The following FRMD4A variants were observed in gnomAD, a reference collection of about 807,000 sequenced individuals.
FRMD4A encodes the protein FERM domain-containing protein 4A.
Under a neutral mutation model 129.1 loss-of-function variants are expected in FRMD4A, and 29 were observed. That is an observed-to-expected ratio of 0.22 (90% CI 0.17 to 0.31). The LOEUF is 0.31. Among genes scored for constraint, FRMD4A ranks in the 10% least tolerant of loss-of-function variants. The pLI is 1.00. For missense variants in FRMD4A, 1,272 were observed against 1,375.8 expected, an observed-to-expected ratio of 0.92 and a Z score of 1.19; for synonymous variants, 634 against 571.6, an observed-to-expected ratio of 1.11 and a Z score of -1.56.
At chr10:13,978,758 TG>T (rs945270316) in intron 2 of FRMD4A, among the ~76,000 whole-genome samples, 81 of 152,296 alleles carry the variant, frequency 5.3e-4, no homozygotes, top group African/African-American at 1.7e-3. Context: ...GTGTTCATCT[TG>T]GGGACTGGAG....
At chr10:14,051,474 A>C (rs1340023997) in intron 2 of FRMD4A, among the ~76,000 whole-genome samples, 4 of 152,192 alleles carry the variant, frequency 2.6e-5, no homozygotes, top group Non-Finnish European at 5.9e-5. Context: ...GGGTGAGCGC[A>C]AGGATAAGCC....
chr10:14,002,929 G>A lies in FRMD4A; in HGVS notation c.46-144017C>T, dbSNP rs1195772766. Among the ~76,000 whole-genome samples, 5 of 152,126 alleles carry A rather than the reference G, an allele frequency of 3.3e-5. No homozygotes were observed. In the South Asian group the frequency reaches 6.2e-4, roughly 19 times the overall value. ...TTGGAGGAACAGCAAACATGTCCACGCATGGTTGGAATATAACATTCCCAG... is the reference window on the plus strand; with the variant it reads ...TTGGAGGAACAGCAAACATGTCCACACATGGTTGGAATATAACATTCCCAG... On this transcript the variant is annotated intron_variant, in intron 2 of 24. Transcript: ENST00000357447.
chr10:13,810,469 A>T (rs1298020503), intron 4 of FRMD4A, among the ~76,000 whole-genome samples: 1 of 152,240 alleles, frequency 6.6e-6, no homozygotes, highest in East Asian at 1.9e-4. Flanking sequence ...AGTAGAGAGA[A>T]ATGTTTCATT....
At chr10:14,257,200 C>T (rs1400884730) in intron 2 of FRMD4A, among the ~76,000 whole-genome samples, 1 of 152,006 alleles carries the variant, frequency 6.6e-6, no homozygotes. Flanking sequence ...GCGTGGTGGC[C>T]AGTGCCCATA....
chr10:13,750,107 ATG>A (rs1554880625), intron 8 of FRMD4A, among the ~76,000 whole-genome samples: 3 of 26,538 alleles, frequency 1.1e-4, no homozygotes, highest in African/African-American at 3.0e-4. Flanking sequence ...AAAGAAAGAA[ATG>A]AAGAAAGAAA....
At chr10:14,270,886 A>T (rs544523555) in intron 2 of FRMD4A, among the ~76,000 whole-genome samples, 1 of 152,344 alleles carries the variant, frequency 6.6e-6, no homozygotes, top group Non-Finnish European at 1.5e-5. Flanking sequence ...GTATTATGCC[A>T]TTCTTAAATT....
At chr10:13,690,677 A>C (rs1589392877) in intron 15 of FRMD4A, among the ~76,000 whole-genome samples, 1 of 152,174 alleles carries the variant, frequency 6.6e-6, no homozygotes, top group Non-Finnish European at 1.5e-5. Context: ...CTTCTTGCTC[A>C]GCTGTGCAGC....
chr10:13,750,737 G>A (rs969319171), intron 8 of FRMD4A, among the ~76,000 whole-genome samples: 1 of 152,156 alleles, frequency 6.6e-6, no homozygotes, highest in Non-Finnish European at 1.5e-5. Context: ...AGGCTAAGAG[G>A]GTTCAGCCTC....
At chr10:14,134,449 T>C (rs1440822741) in intron 2 of FRMD4A, among the ~76,000 whole-genome samples, 2 of 148,542 alleles carry the variant, frequency 1.3e-5, no homozygotes, top group Admixed American at 6.7e-5. Context: ...GATATGTGGA[T>C]GGATGGGAGA....
At chr10:13,649,076 A>G (rs577010336) in intron 24 of FRMD4A, among the ~76,000 whole-genome samples, 1 of 152,378 alleles carries the variant, frequency 6.6e-6, no homozygotes, top group Non-Finnish European at 1.5e-5. Context: ...TAACATCCAC[A>G]GAACACACTT....
chr10:13,667,466 C>A (rs149785006), intron 17 of FRMD4A: 1 of 152,088 alleles, frequency 6.6e-6, no homozygotes, highest in East Asian at 1.9e-4. Flanking sequence ...GTTTTGGGAC[C>A]GGGAAGAATG....
intron 2 of FRMD4A, among the ~76,000 whole-genome samples, chr10:14,140,449 C>CA (rs1839780372): frequency 6.6e-6 from 1 of 152,220 alleles, no homozygotes; most frequent in African/African-American, 2.4e-5. Context: ...TGAATACTCA[C>CA]TTCCAACCCG....
chr10:13,996,672 C>A (rs1031840344), intron 2 of FRMD4A, among the ~76,000 whole-genome samples: 3 of 152,202 alleles, frequency 2.0e-5, no homozygotes. Context: ...AGGATCTACA[C>A]GGAAGACTTC....
At chr10:13,795,431 C>T (rs1222939590) in intron 5 of FRMD4A, among the ~76,000 whole-genome samples, 1 of 152,232 alleles carries the variant, frequency 6.6e-6, no homozygotes, top group Non-Finnish European at 1.5e-5. Context: ...ACACTCGAGC[C>T]TGTTAAGTGG....
intron 3 of FRMD4A, among the ~76,000 whole-genome samples, chr10:13,822,969 T>C (rs1364421087): frequency 2.0e-5 from 3 of 152,104 alleles, no homozygotes; most frequent in Non-Finnish European, 4.4e-5. Flanking sequence ...AGTCTCCCCA[T>C]TTGTCCCTCT....
chr10:13,719,836 C>T (rs2089249930), intron 12 of FRMD4A, among the ~76,000 whole-genome samples: 1 of 152,190 alleles, frequency 6.6e-6, no homozygotes, highest in South Asian at 2.1e-4. Context: ...GTCTGCAGTA[C>T]TCCAGCAATT....
At chr10:13,938,453 G>C (rs1340349918) in intron 2 of FRMD4A, among the ~76,000 whole-genome samples, 1 of 152,122 alleles carries the variant, frequency 6.6e-6, no homozygotes, top group Non-Finnish European at 1.5e-5. Flanking sequence ...ATGTTGCCCA[G>C]GGTGGTCTCA....
At chr10:14,301,238 C>T (rs1470659157) in intron 2 of FRMD4A, among the ~76,000 whole-genome samples, 1 of 152,184 alleles carries the variant, frequency 6.6e-6, no homozygotes, top group East Asian at 1.9e-4. Flanking sequence ...CTTTTCTTGG[C>T]TGCCATTAAT....
At chr10:14,073,032 T>C (rs191562324) in intron 2 of FRMD4A, among the ~76,000 whole-genome samples, 1 of 142,518 alleles carries the variant, frequency 7.0e-6, no homozygotes. Context: ...GATAAAAAAA[T>C]AATAGCTTTA....
Sources: allele counts gnomAD v4.1 joint callset (sites outside exome capture counted in the v4.1 genomes callset), GRCh38; gene constraint gnomAD v4.1.1; transcripts MANE v1.5; gene names NCBI Gene and HGNC (gene_info 2026-07-23, HGNC 2026-07-21).